The following SLC15A5 variants were observed in gnomAD, a reference collection of about 807,000 sequenced individuals.
SLC15A5 encodes solute carrier family 15 member 5.
In SLC15A5, 58 loss-of-function variants were observed where a neutral mutation model predicts 56.1. That is an observed-to-expected ratio of 1.03 (90% CI 0.84 to 1.29). SLC15A5 has a LOEUF of 1.29. Ranked by LOEUF, SLC15A5 falls within the 50% of genes most tolerant of loss-of-function variation. The pLI, the probability that SLC15A5 is intolerant of heterozygous loss-of-function variation, is 0.00. For synonymous variants in SLC15A5, 264 were observed against 250.5 expected, an observed-to-expected ratio of 1.05 and a Z score of -0.51; for missense variants, 681 against 672.1, an observed-to-expected ratio of 1.01 and a Z score of -0.15.
At chr12:16,222,000 T>C (rs948143584) in intron 6 of SLC15A5, among the ~76,000 whole-genome samples, 3 of 151,884 alleles carry the variant, frequency 2.0e-5, no homozygotes, top group Non-Finnish European at 4.4e-5. Flanking sequence ...ACACCTGTGC[T>C]TCTGTTCTGA....
intron 7 of SLC15A5, among the ~76,000 whole-genome samples, chr12:16,211,745 G>A (rs1864083087): frequency 6.6e-6 from 1 of 152,292 alleles, no homozygotes; most frequent in Admixed American, 6.5e-5. Flanking sequence ...AATGATTAGT[G>A]TAGGAGGATG....
At chr12:16,274,480 C>T (rs923230458) in intron 1 of SLC15A5, among the ~76,000 whole-genome samples, 3 of 152,166 alleles carry the variant, frequency 2.0e-5, no homozygotes, top group Non-Finnish European at 4.4e-5. Context: ...ATTATAAATT[C>T]CTTACAGATA....
chr12:16,267,913 A>T (rs2136819599), intron 2 of SLC15A5, among the ~76,000 whole-genome samples: 1 of 107,678 alleles, frequency 9.3e-6, no homozygotes, highest in Non-Finnish European at 1.9e-5. Context: ...TAATTAAAAA[A>T]AAATGTTTTT....
rs189643152 is a variant in SLC15A5 at position 16,200,147 on chromosome 12, G to A, written c.1484-5694C>T. Among the ~76,000 whole-genome samples, 647 of 151,420 alleles carry A rather than the reference G, an allele frequency of 4.3e-3. 5 individuals carry two copies. Among genetic ancestry groups the A allele is most frequent in the Middle Eastern group, 0.017 (5 of 292 alleles). On this transcript the variant is annotated intron_variant, in intron 7 of 8. Coordinates refer to ENST00000344941, the MANE Select transcript of SLC15A5 (RefSeq NM_001170798.1). ...TACATGTTATAAATGTTGCTTACAG[G>A]AAACACCCTGAACACAGAATGACAA... is the stretch of plus-strand genomic sequence containing the variant.
Position 16,239,806 on chromosome 12 carries a change from A to C in SLC15A5, c.1037T>G (p.Leu346Arg). The C allele has an allele frequency of 4.6e-6, 7 of 1,537,272 alleles. No individual in the cohort carries two copies. Among genetic ancestry groups the C allele is most frequent in the Non-Finnish European group, 6.1e-6 (7 of 1,146,894 alleles). The change falls in exon 5 of 9, where the codon CTG (leucine) becomes CGG (arginine). Residue 346 changes from leucine to arginine, a missense_variant. Physicochemically the swap from Leu to Arg is moderately radical, Grantham distance 102. Transcript: ENST00000344941. Reference sequence around the variant, plus strand: ...GATGGCATTCATTACTGCAATCGGCAGAAGAAATCCATCCAAATTCAGGTT... The same window carrying C: ...GATGGCATTCATTACTGCAATCGGCCGAAGAAATCCATCCAAATTCAGGTT... Reference protein sequence around the residue: ...NSNLNLDGFLLPIAVMNAISS... With the variant: ...NSNLNLDGFLRPIAVMNAISS...
intron 1 of SLC15A5, among the ~76,000 whole-genome samples, chr12:16,273,671 GT>G (rs1434973409): frequency 3.3e-5 from 5 of 150,720 alleles, no homozygotes; most frequent in African/African-American, 1.2e-4. Flanking sequence ...CTTGCCCAAT[GT>G]TATAAAGTAA....
chr12:16,258,551 T>C, intron 2 of SLC15A5, among the ~76,000 whole-genome samples: 1 of 152,216 alleles, frequency 6.6e-6, no homozygotes, highest in Admixed American at 6.5e-5. Flanking sequence ...TCTTAACTTT[T>C]ACTTAAAAAA....
At chr12:16,195,102 A>T (rs907370217) in intron 7 of SLC15A5, among the ~76,000 whole-genome samples, 5 of 152,012 alleles carry the variant, frequency 3.3e-5, no homozygotes, top group Admixed American at 2.0e-4. Flanking sequence ...TTATGATGTC[A>T]TACTGGGTAT....
intron 3 of SLC15A5, among the ~76,000 whole-genome samples, chr12:16,256,395 A>G (rs1423232694): frequency 2.0e-5 from 3 of 152,338 alleles, no homozygotes; most frequent in African/African-American, 4.8e-5. Flanking sequence ...ATTAAAGTAC[A>G]TAATGCCACC....
intron 1 of SLC15A5, among the ~76,000 whole-genome samples, chr12:16,275,019 G>A (rs1864801475): frequency 6.6e-6 from 1 of 152,056 alleles, no homozygotes; most frequent in Non-Finnish European, 1.5e-5. Context: ...GCACCATGAT[G>A]TGTCATACCC....
chr12:16,235,819 T>C lies in SLC15A5; in HGVS notation c.1162+3862A>G, dbSNP rs1334487271. On this transcript the variant is annotated intron_variant, in intron 5 of 8. Transcript: ENST00000344941. This position sits in a 1 kb window ranked among gnomAD's most constrained non-coding sequence, Gnocchi z 4.1. Reference sequence around the variant, plus strand: ...CTGGATCCTTGACTTGGCTTTTAGCTTAGCAACCACTTTGGTTTCAACCAC... The same window carrying C: ...CTGGATCCTTGACTTGGCTTTTAGCCTAGCAACCACTTTGGTTTCAACCAC... Among the ~76,000 whole-genome samples, 1 of 152,158 alleles carries C rather than the reference T, an allele frequency of 6.6e-6. No individual in the cohort carries two copies. The highest frequency in any genetic ancestry group is 6.5e-5 in the Admixed American group (1 of 15,284).
intron 1 of SLC15A5, among the ~76,000 whole-genome samples, chr12:16,274,092 A>G (rs1817496115): frequency 6.6e-6 from 1 of 151,922 alleles, no homozygotes; most frequent in South Asian, 2.1e-4. Context: ...TGATGATGTG[A>G]TATTCTAATC....
chr12:16,215,227 AAAC>A (rs71051293), intron 7 of SLC15A5, among the ~76,000 whole-genome samples: 34,353 of 100,166 alleles, frequency 0.34, 9,622 homozygotes, highest in South Asian at 0.58. Flanking sequence ...AAAAAAAAAA[AAAC>A]CAAAGTGAGG....
At chr12:16,204,129 A>C (rs1863989981) in intron 7 of SLC15A5, among the ~76,000 whole-genome samples, 1 of 152,114 alleles carries the variant, frequency 6.6e-6, no homozygotes, top group African/African-American at 2.4e-5. Context: ...TCTAAAATTA[A>C]CTTACAAGTT....
chr12:16,249,512 A>C (rs994844018), intron 3 of SLC15A5, among the ~76,000 whole-genome samples: 2 of 152,124 alleles, frequency 1.3e-5, no homozygotes, highest in Non-Finnish European at 2.9e-5. Context: ...CAGCCACTTG[A>C]GAGCATTTTC....
chr12:16,225,483 A>C (rs1005238516), intron 5 of SLC15A5, among the ~76,000 whole-genome samples: 4 of 152,240 alleles, frequency 2.6e-5, no homozygotes, highest in African/African-American at 9.6e-5. Flanking sequence ...GAGCTTCTGC[A>C]CAGCAAAAGA....
Position 16,209,001 on chromosome 12 carries a change from G to A in SLC15A5, c.1483+7892C>T, listed in dbSNP as rs150708686. 7.5e-3 allele frequency among the ~76,000 whole-genome samples: 1,030 copies of A among 138,172 alleles called. 2 individuals are homozygous for A. The highest frequency in any genetic ancestry group is 0.01 in the Non-Finnish European group (659 of 65,068). 90.6% of individuals were successfully genotyped at this position (138,172 alleles called of 152,430 possible). A position where few individuals can be genotyped will look rare whatever the true frequency, so the allele number is the denominator to read the frequency against. ...CTTCAGTTTCTTGTTCTTCAAAAGAGTTCTTTAAACATGATGCCTTTTTTT... is the reference window on the plus strand; with the variant it reads ...CTTCAGTTTCTTGTTCTTCAAAAGAATTCTTTAAACATGATGCCTTTTTTT... On this transcript the variant is annotated intron_variant, in intron 7 of 8. Coordinates refer to ENST00000344941, the MANE Select transcript of SLC15A5 (RefSeq NM_001170798.1).
At chr12:16,252,871 C>T (rs1864532758) in intron 3 of SLC15A5, among the ~76,000 whole-genome samples, 1 of 152,114 alleles carries the variant, frequency 6.6e-6, no homozygotes, top group African/African-American at 2.4e-5. Flanking sequence ...GGATGTCCCA[C>T]ACTTCTTGAT....
At chr12:16,233,006 GAGAAAGAA>G (rs1005677278) in intron 5 of SLC15A5, among the ~76,000 whole-genome samples, 1 of 151,656 alleles carries the variant, frequency 6.6e-6, no homozygotes, top group African/African-American at 2.4e-5. Context: ...GGGAAGGAAG[GAGAAAGAA>G]AGAAAGGAAG....
Sources: allele counts gnomAD v4.1 joint callset (sites outside exome capture counted in the v4.1 genomes callset), GRCh38; gene constraint gnomAD v4.1.1; non-coding constraint Gnocchi (gnomAD v3.1); transcripts MANE v1.5; gene names NCBI Gene and HGNC (gene_info 2026-07-23, HGNC 2026-07-21).